NLN: variants seen among roughly 807,000 people sequenced by gnomAD.
NLN encodes neurolysin.
Under a neutral mutation model 79.9 loss-of-function variants are expected in NLN, and 64 were observed. The observed-to-expected ratio is 0.80, with a 90% CI of 0.65 to 0.99. NLN has a LOEUF of 0.99. NLN is among the 50% of genes least tolerant of loss of function. NLN has a pLI of 0.00. For synonymous variants in NLN, 267 were observed against 296.6 expected (o/e 0.90, Z 1.02); for missense variants, 835 against 858.7 (o/e 0.97, Z 0.34).
chr5:65,762,911 G>A (rs1423612937), intron 2 of NLN, 49 bp from the exon 3 acceptor site: 2 of 1,585,772 alleles, frequency 1.3e-6, no homozygotes, highest in East Asian at 2.2e-5. Context: ...GCTTAATACT[G>A]ATTTGACAAG....
chr5:65,725,998 A>T (rs957053768), intron 1 of NLN, among the ~76,000 whole-genome samples: 11 of 151,898 alleles, frequency 7.2e-5, no homozygotes, highest in African/African-American at 2.7e-4. Flanking sequence ...TGTAGTCCCA[A>T]CTACTCGGGA....
intron 1 of NLN, among the ~76,000 whole-genome samples, chr5:65,734,036 TACAGGTGTCC>T: frequency 7.2e-6 from 1 of 139,188 alleles, no homozygotes; most frequent in Non-Finnish European, 1.6e-5. Flanking sequence ...TAGCTGGGAC[TACAGGTGTCC>T]ACCACCACAC....
intron 9 of NLN, among the ~76,000 whole-genome samples, chr5:65,794,538 G>A (rs1482934152): frequency 6.6e-6 from 1 of 151,986 alleles, no homozygotes; most frequent in African/African-American, 2.4e-5. Flanking sequence ...CCAGGAGGTC[G>A]AGGCTGCGGT....
chr5:65,742,444 T>G (rs1026446606), intron 1 of NLN, among the ~76,000 whole-genome samples: 2 of 152,122 alleles, frequency 1.3e-5, no homozygotes, highest in African/African-American at 4.8e-5. Flanking sequence ...GACTGTACAA[T>G]GAAGGAAAAC....
chr5:65,800,568 G>T (rs888873502), intron 9 of NLN, among the ~76,000 whole-genome samples: 1 of 152,088 alleles, frequency 6.6e-6, no homozygotes, highest in Non-Finnish European at 1.5e-5. Flanking sequence ...CCAGCTACTC[G>T]GGAGGCAGGA....
chr5:65,820,478 C>A (rs1312783112), intron 12 of NLN, among the ~76,000 whole-genome samples: 2 of 152,176 alleles, frequency 1.3e-5, no homozygotes, highest in African/African-American at 4.8e-5. Flanking sequence ...TACTGCTCTA[C>A]CCAGAGAGCA....
intron 9 of NLN, among the ~76,000 whole-genome samples, chr5:65,804,332 A>G (rs1760359028): frequency 6.6e-6 from 1 of 152,234 alleles, no homozygotes; most frequent in Non-Finnish European, 1.5e-5. Context: ...TTTAAATCAG[A>G]TAATCCATGT....
intron 4 of NLN, 68 bp from the exon 5 acceptor site, chr5:65,780,111 C>T: frequency 1.4e-6 from 1 of 710,016 alleles, no homozygotes; most frequent in Non-Finnish European, 2.5e-6. Context: ...CAGGTGTGGG[C>T]CACCGTGCCT....
At chr5:65,820,722 T>TTTTGTTTG (rs10648097) in intron 12 of NLN, among the ~76,000 whole-genome samples, 10 of 151,098 alleles carry the variant, frequency 6.6e-5, no homozygotes, top group East Asian at 5.8e-4. Flanking sequence ...ACATGTTTTT[T>TTTTGTTTG]TTTGTTTGTT....
At chr5:65,815,044 G>A (rs1760639724) in intron 12 of NLN, among the ~76,000 whole-genome samples, 1 of 151,978 alleles carries the variant, frequency 6.6e-6, no homozygotes, top group Admixed American at 6.6e-5. Context: ...GATTATTTTA[G>A]AAGCCAGAAA....
intron 8 of NLN, among the ~76,000 whole-genome samples, 172 bp from the exon 9 acceptor site, chr5:65,792,282 G>A (rs1472020322): frequency 2.0e-5 from 3 of 152,150 alleles, no homozygotes; most frequent in Non-Finnish European, 2.9e-5. Flanking sequence ...GTTATTGTTT[G>A]TTTAGCTTTA....
chr5:65,769,644 C>G (rs1367286839), intron 3 of NLN, among the ~76,000 whole-genome samples: 2 of 152,170 alleles, frequency 1.3e-5, no homozygotes, highest in East Asian at 3.8e-4. Flanking sequence ...GGTCCTCTCC[C>G]TCCCAGTGTA....
intron 6 of NLN, among the ~76,000 whole-genome samples, chr5:65,782,597 T>C (rs1377819386): frequency 2.0e-5 from 3 of 152,246 alleles, no homozygotes; most frequent in Non-Finnish European, 4.4e-5. Context: ...CTCAAATTCA[T>C]GTCTGCAGTT....
intron 8 of NLN, among the ~76,000 whole-genome samples, chr5:65,792,027 C>T (rs1760072401): frequency 6.6e-6 from 1 of 152,186 alleles, no homozygotes; most frequent in Admixed American, 6.5e-5. Context: ...ACCTTATCGT[C>T]AGAAATTCAG....
chr5:65,788,335 C>T lies in NLN; in HGVS notation c.1176C>T (p.Gly392=), dbSNP rs568110288. The T allele has an allele frequency of 1.9e-5, 31 of 1,614,152 alleles. 1 individual carries two copies. The South Asian group carries it at 3.3e-4, about 17-fold the overall frequency. The stretch of plus-strand genomic sequence containing the variant: ...TCCCAATTGAGGTGGTCACTGAAGG[C>T]TTGCTGAACACCTACCAGGAGTTGT... The part of the protein sequence containing the change: ...EYFPIEVVTE[G]LLNTYQELLG... The change falls in exon 8 of 13, where the codon GGC becomes GGT. Residue 392 remains glycine (G), a synonymous_variant. Coordinates refer to ENST00000380985, the MANE Select transcript of NLN (RefSeq NM_020726.5).
At chr5:65,782,075 C>T (rs1394095654) in intron 6 of NLN, among the ~76,000 whole-genome samples, 2 of 152,206 alleles carry the variant, frequency 1.3e-5, no homozygotes, top group African/African-American at 4.8e-5. Context: ...AAGCTCATAG[C>T]AATTTTCTAA....
At chr5:65,787,462 A>G (rs993365185) in intron 7 of NLN, among the ~76,000 whole-genome samples, 5 of 152,190 alleles carry the variant, frequency 3.3e-5, no homozygotes, top group African/African-American at 9.6e-5. Flanking sequence ...AGAGCCAGGC[A>G]TGTTTTTATC....
intron 3 of NLN, among the ~76,000 whole-genome samples, chr5:65,776,178 G>A (rs191881147): frequency 6.6e-6 from 1 of 152,182 alleles, no homozygotes; most frequent in African/African-American, 2.4e-5. Context: ...GCTTGAACCT[G>A]GGAGGCGGAG....
chr5:65,809,006 A>G (rs1760483236), intron 9 of NLN: 1 of 152,570 alleles, frequency 6.6e-6, no homozygotes, highest in Non-Finnish European at 1.5e-5. Context: ...TAAGTAGTTA[A>G]GACCTAAGCA....
Sources: allele counts gnomAD v4.1 joint callset (sites outside exome capture counted in the v4.1 genomes callset), GRCh38; gene constraint gnomAD v4.1.1; transcripts MANE v1.5; gene names NCBI Gene and HGNC (gene_info 2026-07-23, HGNC 2026-07-21).